The following PDE8B variants were observed in gnomAD, a reference collection of about 807,000 sequenced individuals.
The protein encoded by PDE8B is high affinity cAMP-specific and IBMX-insensitive 3',5'-cyclic phosphodiesterase 8B.
In PDE8B, 26 loss-of-function variants were observed where a neutral mutation model predicts 101.3. The observed-to-expected ratio is 0.26, with a 90% CI of 0.19 to 0.36. The LOEUF (loss-of-function observed/expected upper bound fraction) is 0.36. Among genes scored for constraint, PDE8B ranks in the 10% least tolerant of loss-of-function variants. The probability of loss-of-function intolerance (pLI) is 1.00; values close to 1 mark genes in which losing one functional copy is unlikely to be tolerated. For synonymous variants in PDE8B, 424 were observed against 429.3 expected, an observed-to-expected ratio of 0.99 and a Z score of 0.15; for missense variants, 810 against 1,163.1, an observed-to-expected ratio of 0.70 and a Z score of 4.42.
At position 77,335,562 on chromosome 5, in the gene PDE8B, T is replaced by A. The variant is rs76362184; in HGVS notation, c.709-1665T>A. ...GTGTGTGTGTGTGTGTGTGTGTGTG[T>A]GTGAGAGAGAGAGGAAGGAGTGAGG... On this transcript the variant is annotated intron_variant, in intron 5 of 21. Coordinates refer to ENST00000264917, the MANE Select transcript of PDE8B (RefSeq NM_003719.5). Among the ~76,000 whole-genome samples the A allele has an allele frequency of 1.7e-3, 219 of 130,760 alleles. 2 individuals are homozygous for A. Among genetic ancestry groups the A allele is most frequent in the East Asian group, 0.016 (64 of 3,996 alleles). 85.8% of individuals were successfully genotyped at this position (130,760 alleles called of 152,430 possible). A position where few individuals can be genotyped will look rare whatever the true frequency, so the allele number is the denominator to read the frequency against.
intron 1 of PDE8B, among the ~76,000 whole-genome samples, chr5:77,237,170 T>C (rs1422229630): frequency 1.3e-5 from 2 of 152,188 alleles, no homozygotes; most frequent in Non-Finnish European, 2.9e-5. Context: ...GAGTTTCTTA[T>C]AGATAGCATG....
At chr5:77,361,977 A>C (rs1783188029) in intron 10 of PDE8B, among the ~76,000 whole-genome samples, 2 of 152,188 alleles carry the variant, frequency 1.3e-5, no homozygotes, top group South Asian at 4.1e-4. Context: ...TCTACAACCA[A>C]GAGTGCCTTA....
intron 20 of PDE8B, among the ~76,000 whole-genome samples, chr5:77,422,355 C>T (rs1331420216): frequency 1.3e-5 from 2 of 152,078 alleles, no homozygotes; most frequent in Admixed American, 6.6e-5. Context: ...GTGAAGACAT[C>T]GCGGCCACGG....
chr5:77,336,672 T>C (rs1202612395), intron 5 of PDE8B, among the ~76,000 whole-genome samples: 2 of 152,254 alleles, frequency 1.3e-5, no homozygotes, highest in Admixed American at 6.5e-5. Context: ...TGGTGAATGA[T>C]GCTGCTATGA....
chr5:77,413,622 A>G (rs1326659863), intron 17 of PDE8B, among the ~76,000 whole-genome samples: 1 of 152,174 alleles, frequency 6.6e-6, no homozygotes, highest in African/African-American at 2.4e-5. Flanking sequence ...ACAGAACTTA[A>G]TTATTACAGC....
intron 8 of PDE8B, 135 bp from the exon 9 acceptor site, chr5:77,350,930 T>G: frequency 1.4e-6 from 1 of 734,972 alleles, no homozygotes; most frequent in South Asian, 1.5e-5. Context: ...TTGCACTGGG[T>G]ACAACAATAC....
chr5:77,323,777 C>G (rs191991309), intron 2 of PDE8B, among the ~76,000 whole-genome samples: 8 of 152,060 alleles, frequency 5.3e-5, no homozygotes, highest in Admixed American at 2.6e-4. Flanking sequence ...GCCAACATGG[C>G]GAAACCCCAT....
At chr5:77,332,625 G>A (rs1777355701) in intron 5 of PDE8B, among the ~76,000 whole-genome samples, 1 of 152,132 alleles carries the variant, frequency 6.6e-6, no homozygotes, top group Non-Finnish European at 1.5e-5. Context: ...ATCACCTGAG[G>A]TTGGGAGTTC....
chr5:77,325,470 C>T (rs916829185), intron 2 of PDE8B, 69 bp from the exon 3 acceptor site: 1 of 1,448,184 alleles, frequency 6.9e-7, no homozygotes, highest in Non-Finnish European at 9.7e-7. Context: ...CGCCTGGCCA[C>T]TAGGCTTGTT....
chr5:77,116,597 G>T, the PDE8B span, among the ~76,000 whole-genome samples: 1 of 152,068 alleles, frequency 6.6e-6, no homozygotes, highest in South Asian at 2.1e-4. Context: ...ACTTAAAACT[G>T]TTAGAAATTT....
chr5:77,386,755 T>C (rs1788724978), intron 10 of PDE8B, among the ~76,000 whole-genome samples: 1 of 152,124 alleles, frequency 6.6e-6, no homozygotes, highest in Admixed American at 6.5e-5. Context: ...GTCTTTTAAT[T>C]GGGGCATTTG....
At chr5:77,323,794 T>TA (rs550919891) in intron 2 of PDE8B, among the ~76,000 whole-genome samples, 1 of 151,828 alleles carries the variant, frequency 6.6e-6, no homozygotes, top group Non-Finnish European at 1.5e-5. Context: ...CCATTTCTAC[T>TA]AAAAAAATAC....
At chr5:77,290,522 A>T in intron 1 of PDE8B, 2 of 1,473,244 alleles carry the variant, frequency 1.4e-6, no homozygotes, top group Non-Finnish European at 1.9e-6. Flanking sequence ...GAGGAGAAAT[A>T]GTAAGACAGA....
chr5:77,106,549 A>G, the PDE8B span, among the ~76,000 whole-genome samples: 6 of 152,180 alleles, frequency 3.9e-5, no homozygotes, highest in Non-Finnish European at 8.8e-5. Context: ...CTATAGTTTT[A>G]TAGAAAGTAT....
the PDE8B span, among the ~76,000 whole-genome samples, chr5:77,180,908 A>C: frequency 6.6e-6 from 1 of 152,004 alleles, no homozygotes; most frequent in Admixed American, 6.6e-5. Flanking sequence ...CAGTGGCTGC[A>C]AAGCTGCCTC....
At chr5:77,340,091 A>G (rs1561549978) in intron 6 of PDE8B, among the ~76,000 whole-genome samples, 1 of 152,210 alleles carries the variant, frequency 6.6e-6, no homozygotes, top group Non-Finnish European at 1.5e-5. Context: ...TATCTAAAAT[A>G]AAGATAATTA....
At chr5:77,416,264 C>T (rs1191485526) in intron 17 of PDE8B, among the ~76,000 whole-genome samples, 4 of 152,210 alleles carry the variant, frequency 2.6e-5, no homozygotes, top group African/African-American at 9.7e-5. Flanking sequence ...ACCCCAGTTA[C>T]TTGAATCTAT....
the PDE8B span, among the ~76,000 whole-genome samples, chr5:77,095,523 A>G: frequency 9.2e-5 from 14 of 152,208 alleles, no homozygotes; most frequent in Non-Finnish European, 1.6e-4. Context: ...TTGCTCAACT[A>G]AAATTTTTCA....
chr5:77,304,721 G>A (rs539585603), intron 1 of PDE8B, among the ~76,000 whole-genome samples: 17 of 152,256 alleles, frequency 1.1e-4, no homozygotes, highest in African/African-American at 3.6e-4. Context: ...GTAACCATGA[G>A]TAATCGTCCA....
Sources: allele counts gnomAD v4.1 joint callset (sites outside exome capture counted in the v4.1 genomes callset), GRCh38; gene constraint gnomAD v4.1.1; transcripts MANE v1.5; gene names NCBI Gene and HGNC (gene_info 2026-07-23, HGNC 2026-07-21).